The following ST6GAL1 variants were observed in gnomAD, a reference collection of about 807,000 sequenced individuals.
The protein encoded by ST6GAL1 is ST6 beta-galactoside alpha-2,6-sialyltransferase 1, also known as beta-galactoside alpha-2,6-sialyltransferase 1.
ST6GAL1 carries 20 observed loss-of-function variants against 38.0 expected under a neutral mutation model. That is an observed-to-expected ratio of 0.53 (90% CI 0.37 to 0.77). The LOEUF is 0.77. Ranked by LOEUF, ST6GAL1 falls within the 30% of genes least tolerant of loss-of-function variation. The pLI is 0.00. For synonymous variants in ST6GAL1, 196 were observed against 188.2 expected (o/e 1.04, Z -0.34); for missense variants, 432 against 496.4 (o/e 0.87, Z 1.23).
intron 2 of ST6GAL1, among the ~76,000 whole-genome samples, chr3:187,032,464 C>CCGT (rs1717785995): frequency 6.6e-6 from 1 of 152,102 alleles, no homozygotes; most frequent in African/African-American, 2.4e-5. Context: ...AGCTGTGAAC[C>CCGT]CGTCACCCAT....
At chr3:186,932,142 C>CG (rs11332772) in intron 1 of ST6GAL1, among the ~76,000 whole-genome samples, 76 of 151,898 alleles carry the variant, frequency 5.0e-4, no homozygotes, top group Middle Eastern at 3.4e-3. Flanking sequence ...AACCTGTCCC[C>CG]GGGGGGGGAA....
intron 2 of ST6GAL1, among the ~76,000 whole-genome samples, chr3:187,037,879 G>A (rs1717983013): frequency 6.6e-6 from 1 of 151,952 alleles, no homozygotes; most frequent in Non-Finnish European, 1.5e-5. Context: ...CATTCTGGGT[G>A]TACTTTTTTC....
chr3:186,986,118 A>C (rs2108541447), intron 2 of ST6GAL1, among the ~76,000 whole-genome samples: 1 of 152,340 alleles, frequency 6.6e-6, no homozygotes, highest in Non-Finnish European at 1.5e-5. Flanking sequence ...GCAAGTCAAG[A>C]GACCCCGCCA....
At chr3:186,942,193 T>C (rs1714202739) in intron 1 of ST6GAL1, among the ~76,000 whole-genome samples, 1 of 152,038 alleles carries the variant, frequency 6.6e-6, no homozygotes. Flanking sequence ...GACAATGTAG[T>C]GAAGTAGTTT....
At chr3:186,956,447 A>G (rs926448455) in intron 1 of ST6GAL1, among the ~76,000 whole-genome samples, 5 of 152,148 alleles carry the variant, frequency 3.3e-5, no homozygotes, top group African/African-American at 1.2e-4. Flanking sequence ...AGACCCGATT[A>G]AGATCAGGCA....
At chr3:187,000,555 T>C (rs1716584406) in intron 2 of ST6GAL1, among the ~76,000 whole-genome samples, 1 of 151,836 alleles carries the variant, frequency 6.6e-6, no homozygotes, top group African/African-American at 2.4e-5. Context: ...AGATCGAGAC[T>C]CTGGCTCAAA....
At chr3:187,022,887 T>C (rs1433777259) in intron 2 of ST6GAL1, among the ~76,000 whole-genome samples, 2 of 152,222 alleles carry the variant, frequency 1.3e-5, no homozygotes, top group Non-Finnish European at 2.9e-5. Flanking sequence ...CTGTATTGTT[T>C]CTAGGGTATG....
At chr3:186,940,456 A>G (rs1714127887) in intron 1 of ST6GAL1, among the ~76,000 whole-genome samples, 1 of 152,230 alleles carries the variant, frequency 6.6e-6, no homozygotes, top group Non-Finnish European at 1.5e-5. Context: ...ATGCAAATAC[A>G]TTTTTAAAAC....
At chr3:187,074,616 A>C (rs4629326) in intron 7 of ST6GAL1, among the ~76,000 whole-genome samples, 9,540 of 152,146 alleles carry the variant, frequency 0.063, 808 homozygotes, top group African/African-American at 0.19. Context: ...AGGAGAGAGG[A>C]CACCTTCTAG....
intron 1 of ST6GAL1, among the ~76,000 whole-genome samples, chr3:186,934,806 A>G (rs3954166): frequency 0.72 from 109,022 of 150,964 alleles, 40,162 homozygotes; most frequent in South Asian, 0.8. Context: ...TCGCTCTGTC[A>G]CCCAGGCTGG....
At chr3:187,049,545 C>T (rs950240448) in intron 4 of ST6GAL1, among the ~76,000 whole-genome samples, 3 of 152,170 alleles carry the variant, frequency 2.0e-5, no homozygotes, top group African/African-American at 7.2e-5. Flanking sequence ...CAACAGCTCC[C>T]GACAGGTGTC....
At chr3:186,940,076 G>A (rs1295733351) in intron 1 of ST6GAL1, among the ~76,000 whole-genome samples, 1 of 152,138 alleles carries the variant, frequency 6.6e-6, no homozygotes, top group Admixed American at 6.5e-5. Flanking sequence ...AATCCACTGG[G>A]ACACCCATTA....
intron 2 of ST6GAL1, among the ~76,000 whole-genome samples, chr3:186,992,927 T>C (rs1334436083): frequency 6.6e-6 from 1 of 152,194 alleles, no homozygotes; most frequent in African/African-American, 2.4e-5. Context: ...TGCTGGTCAG[T>C]GTTTATGAGG....
At chr3:187,009,313 A>T (rs1417069193) in intron 2 of ST6GAL1, among the ~76,000 whole-genome samples, 2 of 152,164 alleles carry the variant, frequency 1.3e-5, no homozygotes, top group East Asian at 3.8e-4. Flanking sequence ...ATGTTTATGG[A>T]TGGAATGATA....
At chr3:186,933,175 G>A (rs775592297) in intron 1 of ST6GAL1, among the ~76,000 whole-genome samples, 2 of 152,244 alleles carry the variant, frequency 1.3e-5, no homozygotes, top group East Asian at 1.9e-4. Context: ...GGTTTTCTAC[G>A]CTGCCGTGCC....
chr3:186,990,650 C>CTTTTT (rs111805405), intron 2 of ST6GAL1, among the ~76,000 whole-genome samples: 1 of 129,570 alleles, frequency 7.7e-6, no homozygotes, highest in Non-Finnish European at 1.7e-5. Flanking sequence ...ACAGGATGTT[C>CTTTTT]TTTTTTTTTT....
chr3:187,066,275 C>G (rs894775824), intron 5 of ST6GAL1, among the ~76,000 whole-genome samples: 1 of 152,234 alleles, frequency 6.6e-6, no homozygotes. Flanking sequence ...CACTAGTTCT[C>G]CGAATCAGAG....
intron 6 of ST6GAL1, chr3:187,073,807 G>A (rs1017398359): frequency 5.0e-5 from 9 of 180,394 alleles, no homozygotes; most frequent in Admixed American, 6.2e-5. Flanking sequence ...GATGTCCTAT[G>A]CTCTAGTTTT....
intron 2 of ST6GAL1, among the ~76,000 whole-genome samples, chr3:186,971,238 G>A (rs112699814): frequency 0.072 from 10,901 of 152,276 alleles, 481 homozygotes; most frequent in South Asian, 0.11. Context: ...ACAGGTGTGC[G>A]CCACCATGCC....
Sources: allele counts gnomAD v4.1 joint callset (sites outside exome capture counted in the v4.1 genomes callset), GRCh38; gene constraint gnomAD v4.1.1; transcripts MANE v1.5; gene names NCBI Gene and HGNC (gene_info 2026-07-23, HGNC 2026-07-21).